ATR: variants seen among roughly 807,000 people sequenced by gnomAD.
The protein encoded by ATR is serine/threonine-protein kinase ATR.
ATR carries 142 observed loss-of-function variants against 305.3 expected under a neutral mutation model. That is an observed-to-expected ratio of 0.47 (90% confidence interval 0.41 to 0.53). ATR has a LOEUF of 0.53. ATR is among the 20% of genes least tolerant of loss of function. The pLI is 0.00. For synonymous variants in ATR, 1,050 were observed against 1,068.1 expected (o/e 0.98, Z 0.33); for missense variants, 2,135 against 3,133.1 (o/e 0.68, Z 7.60).
At chr3:142,520,043 C>T (rs778285097) in intron 23 of ATR, among the ~76,000 whole-genome samples, 1 of 152,028 alleles carries the variant, frequency 6.6e-6, no homozygotes, top group African/African-American at 2.4e-5. Flanking sequence ...GTCTCTATGT[C>T]GCATTTCGGT....
chr3:142,471,859 T>A (rs75701434), intron 36 of ATR, among the ~76,000 whole-genome samples: 1 of 152,106 alleles, frequency 6.6e-6, no homozygotes, highest in Non-Finnish European at 1.5e-5. Flanking sequence ...AAGTTTTATG[T>A]CCTTTGACCA....
intron 18 of ATR, 80 bp from the exon 19 acceptor site, chr3:142,538,705 G>A (rs1045163015): frequency 6.5e-7 from 1 of 1,530,538 alleles, no homozygotes. Context: ...ATTAGTTGAA[G>A]ACACATGATA....
At chr3:142,461,667 A>G (rs554536823) in intron 42 of ATR, among the ~76,000 whole-genome samples, 3 of 152,252 alleles carry the variant, frequency 2.0e-5, no homozygotes, top group South Asian at 2.1e-4. Context: ...TTGTTAACCA[A>G]TATCTGTGAA....
At chr3:142,499,901 T>A in intron 30 of ATR, 183 bp from the exon 31 acceptor site, 2 of 541,198 alleles carry the variant, frequency 3.7e-6, no homozygotes, top group Admixed American at 3.4e-5. Flanking sequence ...AATCTTTCCA[T>A]CCTTCAAAAA....
chr3:142,574,191 G>A (rs969573116), intron 1 of ATR, among the ~76,000 whole-genome samples: 31 of 152,100 alleles, frequency 2.0e-4, no homozygotes, highest in Non-Finnish European at 3.2e-4. Flanking sequence ...TTGGCCGGGC[G>A]TGGTGGCTCA....
At chr3:142,465,483 G>A in intron 40 of ATR, 1 of 261,348 alleles carries the variant, frequency 3.8e-6, no homozygotes. Flanking sequence ...TTACTTCATC[G>A]CCAATACAAG....
chr3:142,535,873 G>A (rs917910917), intron 20 of ATR, among the ~76,000 whole-genome samples: 10 of 152,122 alleles, frequency 6.6e-5, no homozygotes, highest in Non-Finnish European at 7.4e-5. Context: ...CATAAGAATT[G>A]TATTTTTTGC....
At chr3:142,476,574 C>T (rs1346984589) in intron 36 of ATR, among the ~76,000 whole-genome samples, 2 of 152,128 alleles carry the variant, frequency 1.3e-5, no homozygotes, top group Admixed American at 6.6e-5. Flanking sequence ...CTTGGCAATG[C>T]AGGCTCTTTT....
intron 19 of ATR, among the ~76,000 whole-genome samples, chr3:142,537,535 T>C (rs138589805): frequency 1.3e-5 from 2 of 152,226 alleles, no homozygotes; most frequent in African/African-American, 4.8e-5. Context: ...ATGCACAAAA[T>C]ATAAAAATAT....
chr3:142,474,363 A>G (rs997408066), intron 36 of ATR, among the ~76,000 whole-genome samples: 2 of 152,194 alleles, frequency 1.3e-5, no homozygotes, highest in African/African-American at 4.8e-5. Context: ...CTTCCAATAC[A>G]TAAACAGGAT....
intron 10 of ATR, among the ~76,000 whole-genome samples, chr3:142,554,825 G>C (rs553165664): frequency 6.6e-6 from 1 of 152,102 alleles, no homozygotes; most frequent in South Asian, 2.1e-4. Context: ...AGAGGCTGAG[G>C]TGGGAGGATC....
chr3:142,516,852 C>T (rs2032882842), intron 24 of ATR, among the ~76,000 whole-genome samples: 1 of 151,994 alleles, frequency 6.6e-6, no homozygotes, highest in African/African-American at 2.4e-5. Context: ...AACATTTAAA[C>T]ATGTTCACAC....
intron 16 of ATR, among the ~76,000 whole-genome samples, chr3:142,546,687 G>A (rs2034279844): frequency 6.6e-6 from 1 of 152,136 alleles, no homozygotes; most frequent in Admixed American, 6.5e-5. Flanking sequence ...TGAGTGAACA[G>A]TGAAGCAAAA....
intron 27 of ATR, among the ~76,000 whole-genome samples, chr3:142,509,545 ATTTTTT>A (rs71629538): frequency 1.4e-5 from 1 of 73,794 alleles, no homozygotes; most frequent in Non-Finnish European, 2.5e-5. Context: ...TCAAATTCTG[ATTTTTT>A]TTTTTTTTTT....
At chr3:142,570,311 G>A (rs1053127362) in intron 1 of ATR, among the ~76,000 whole-genome samples, 6 of 152,234 alleles carry the variant, frequency 3.9e-5, no homozygotes, top group Admixed American at 1.3e-4. Context: ...TGCTGCCTGT[G>A]CTTTGTGTCA....
intron 34 of ATR, among the ~76,000 whole-genome samples, chr3:142,494,918 G>A (rs191899499): frequency 1.6e-4 from 25 of 152,324 alleles, no homozygotes; most frequent in African/African-American, 5.5e-4. Flanking sequence ...AATATTGTTA[G>A]AGGAAGTAAA....
intron 36 of ATR, among the ~76,000 whole-genome samples, chr3:142,477,830 T>G (rs1163441712): frequency 2.0e-5 from 3 of 152,220 alleles, no homozygotes; most frequent in Non-Finnish European, 4.4e-5. Flanking sequence ...GGAGGGTGTA[T>G]GTGTCCAGGA....
chr3:142,490,128 A>G (rs1189691735), intron 35 of ATR, among the ~76,000 whole-genome samples: 1 of 152,218 alleles, frequency 6.6e-6, no homozygotes, highest in Non-Finnish European at 1.5e-5. Flanking sequence ...GTGCAATCAT[A>G]GCTAACTGTA....
In ATR at chr3:142,459,012, A is replaced by G; in HGVS notation, c.7449T>C (p.Phe2483=). ...GTACGCATTCACCAGTCAAAGAATC[A>G]AAGAGAATATTTTCACCATGACGGT... ...LGDRHGENIL[F]DSLTGECVHV... is the part of the protein sequence containing the mutation. Residue 2483 remains phenylalanine (F), a synonymous_variant, in exon 44 of 47, where the codon TTT becomes TTC. Transcript: ENST00000350721. The G allele has an allele frequency of 6.2e-7, 1 of 1,614,016 alleles. No individual in the cohort carries two copies. Among genetic ancestry groups the G allele is most frequent in the Non-Finnish European group, 8.5e-7 (1 of 1,179,874 alleles).
Sources: allele counts gnomAD v4.1 joint callset (sites outside exome capture counted in the v4.1 genomes callset), GRCh38; gene constraint gnomAD v4.1.1; transcripts MANE v1.5; gene names NCBI Gene and HGNC (gene_info 2026-07-23, HGNC 2026-07-21).